PSME3IP1: variants seen among roughly 807,000 people sequenced by gnomAD.
PSME3IP1 encodes PSME3-interacting protein.
In PSME3IP1, 13 loss-of-function variants were observed where a neutral mutation model predicts 34.1. That is an observed-to-expected ratio of 0.38 (90% confidence interval 0.25 to 0.61). PSME3IP1 has a LOEUF of 0.61. PSME3IP1 is among the 20% of genes least tolerant of loss of function. The pLI is 0.60. For synonymous variants in PSME3IP1, 93 were observed against 114.3 expected (o/e 0.81, Z 1.19); for missense variants, 237 against 301.4 (o/e 0.79, Z 1.58).
At chr16:57,158,861 C>T (rs2070886098) in intron 6 of PSME3IP1, among the ~76,000 whole-genome samples, 1 of 152,176 alleles carries the variant, frequency 6.6e-6, no homozygotes, top group Admixed American at 6.5e-5. Context: ...GGCTACAAAC[C>T]TGTACAGCAT....
At chr16:57,159,591 T>C (rs2145488110) in intron 6 of PSME3IP1, among the ~76,000 whole-genome samples, 1 of 152,330 alleles carries the variant, frequency 6.6e-6, no homozygotes, top group African/African-American at 2.4e-5. Context: ...AGGACAGGGC[T>C]GAAGCAAGCT....
chr16:57,169,553 G>C (rs2072311908), intron 4 of PSME3IP1, among the ~76,000 whole-genome samples: 1 of 152,108 alleles, frequency 6.6e-6, no homozygotes, highest in Non-Finnish European at 1.5e-5. Context: ...TCCAGTTAAA[G>C]CCCTTATCCC....
At chr16:57,160,236 G>A (rs1266425086) in intron 6 of PSME3IP1, among the ~76,000 whole-genome samples, 2 of 151,382 alleles carry the variant, frequency 1.3e-5, no homozygotes, top group African/African-American at 4.9e-5. Context: ...CTTGCAGTGA[G>A]CCGAGATTGC....
intron 1 of PSME3IP1, among the ~76,000 whole-genome samples, chr16:57,180,024 GAAC>G (rs1357312296): frequency 1.3e-5 from 2 of 152,074 alleles, no homozygotes; most frequent in African/African-American, 4.8e-5. Flanking sequence ...TTTATTTAGA[GAAC>G]AACAACTACT....
chr16:57,176,498 TC>T (rs2073185277), intron 1 of PSME3IP1, among the ~76,000 whole-genome samples: 1 of 152,224 alleles, frequency 6.6e-6, no homozygotes, highest in South Asian at 2.1e-4. Flanking sequence ...GCCAACTCCC[TC>T]TCTAAGCAGA....
rs2070111886 is a variant in PSME3IP1, at chr16:57,153,008, T to G, written c.*1282A>C. ...CACATTTTGTGTGTGTCTCACTCAG[T>G]CTCACACCCAAGAAAGTAAAAACAA... is the stretch of plus-strand genomic sequence containing the variant. On this transcript the variant is annotated 3_prime_UTR_variant, in exon 7 of 7. Coordinates refer to ENST00000309137, the MANE Select transcript of PSME3IP1 (RefSeq NM_024946.4). 6.6e-6 allele frequency: 1 copy of G among 152,654 alleles called. No homozygotes were observed. The highest frequency in any genetic ancestry group is 2.4e-5 in the African/African-American group (1 of 41,446). The allele number at this position is 152,654 out of a possible 1,614,324, so 9.5% of individuals were successfully genotyped here.
At chr16:57,158,748 T>C (rs1272066899) in intron 6 of PSME3IP1, among the ~76,000 whole-genome samples, 3 of 152,188 alleles carry the variant, frequency 2.0e-5, no homozygotes, top group Admixed American at 2.0e-4. Context: ...AAATGCATCA[T>C]TAGACAATTC....
At chr16:57,181,162 G>C (rs535261351) in intron 1 of PSME3IP1, among the ~76,000 whole-genome samples, 1 of 152,320 alleles carries the variant, frequency 6.6e-6, no homozygotes, top group East Asian at 1.9e-4. Flanking sequence ...CTAGAAGAAA[G>C]ATAACTAATT....
At chr16:57,185,760 C>G in intron 1 of PSME3IP1, 61 bp downstream of exon 1, 1 of 985,542 alleles carries the variant, frequency 1.0e-6, no homozygotes, top group Non-Finnish European at 1.2e-6. Flanking sequence ...CAGCTCATCT[C>G]TTCCGTAAGG....
At position 57,154,978 on chromosome 16, in the gene PSME3IP1, C is replaced by T. The variant is rs1249759644; in HGVS notation, c.548-471G>A. On this transcript the variant is annotated intron_variant, in intron 6 of 6. Coordinates refer to ENST00000309137, the MANE Select transcript of PSME3IP1 (RefSeq NM_024946.4). This position sits in a 1 kb window ranked among gnomAD's most constrained non-coding sequence, Gnocchi z 4.0. ...TTACTGACCAATAAGCCAGCTAGCA[C>T]AGATACAATTTTAAGGCCAAACATC... Among the ~76,000 whole-genome samples the T allele has an allele frequency of 6.6e-6, 1 of 152,228 alleles. No individual in the cohort carries two copies. Among genetic ancestry groups the T allele is most frequent in the Non-Finnish European group, 1.5e-5 (1 of 68,048 alleles).
chr16:57,164,553 G>A (rs1245434349), intron 5 of PSME3IP1, among the ~76,000 whole-genome samples: 1 of 152,204 alleles, frequency 6.6e-6, no homozygotes, highest in African/African-American at 2.4e-5. Context: ...GAAGGAAGGG[G>A]TGGTGAACAA....
intron 6 of PSME3IP1, among the ~76,000 whole-genome samples, chr16:57,163,164 CAAAAAAAAGAA>C (rs2071470193): frequency 6.7e-6 from 1 of 148,492 alleles, no homozygotes; most frequent in East Asian, 2.0e-4. Context: ...GACTCCATCT[CAAAAAAAAGAA>C]AAAAAAAAGT....
At chr16:57,181,902 A>C (rs2073749854) in intron 1 of PSME3IP1, 1 of 152,226 alleles carries the variant, frequency 6.6e-6, no homozygotes, top group South Asian at 2.1e-4. Context: ...TCTCATGTCC[A>C]CCTATCCAGA....
chr16:57,159,254 A>T (rs1369145541), intron 6 of PSME3IP1, among the ~76,000 whole-genome samples: 1 of 152,226 alleles, frequency 6.6e-6, no homozygotes, highest in African/African-American at 2.4e-5. Flanking sequence ...CAAGAAAGAA[A>T]AGAGATTGCA....
intron 6 of PSME3IP1, among the ~76,000 whole-genome samples, chr16:57,160,134 CA>C (rs2071049605): frequency 6.6e-6 from 1 of 151,824 alleles, no homozygotes; most frequent in Non-Finnish European, 1.5e-5. Flanking sequence ...ACTAAAAATA[CA>C]AAAAATTAGC....
intron 4 of PSME3IP1, among the ~76,000 whole-genome samples, chr16:57,171,618 C>A (rs1239703210): frequency 1.3e-5 from 2 of 152,276 alleles, no homozygotes; most frequent in East Asian, 1.9e-4. Flanking sequence ...GGAAACAGTT[C>A]TTGGCCCAGG....
At chr16:57,179,276 A>G (rs1257484138) in intron 1 of PSME3IP1, among the ~76,000 whole-genome samples, 3 of 152,248 alleles carry the variant, frequency 2.0e-5, no homozygotes, top group Non-Finnish European at 4.4e-5. Flanking sequence ...GAAAACTAAA[A>G]CCATTTCAAA....
chr16:57,179,309 A>T (rs1387490250), intron 1 of PSME3IP1, among the ~76,000 whole-genome samples: 1 of 152,242 alleles, frequency 6.6e-6, no homozygotes, highest in East Asian at 1.9e-4. Context: ...CACCAAACTT[A>T]GAGTCCAAAT....
chr16:57,175,742 C>T (rs2073113207), intron 1 of PSME3IP1: 1 of 152,152 alleles, frequency 6.6e-6, no homozygotes, highest in African/African-American at 2.4e-5. Context: ...TTACCATACT[C>T]CTCCCCAGAA....
Sources: allele counts gnomAD v4.1 joint callset (sites outside exome capture counted in the v4.1 genomes callset), GRCh38; gene constraint gnomAD v4.1.1; non-coding constraint Gnocchi (gnomAD v3.1); transcripts MANE v1.5; gene names NCBI Gene and HGNC (gene_info 2026-07-23, HGNC 2026-07-21).